Variants in CCDC178 observed in about 807,000 individuals in gnomAD.
CCDC178 encodes coiled-coil domain-containing protein 178.
Under a neutral mutation model 117.4 loss-of-function variants are expected in CCDC178, and 126 were observed. That is an observed-to-expected ratio of 1.07 (90% CI 0.93 to 1.24). The LOEUF (loss-of-function observed/expected upper bound fraction) is 1.24, where lower values mean the gene tolerates loss of function less well. CCDC178 is among the 50% of genes most tolerant of loss of function. CCDC178 has a pLI of 0.00. For synonymous variants in CCDC178, 283 were observed against 313.4 expected (o/e 0.90, Z 1.02); for missense variants, 1,030 against 986.9 (o/e 1.04, Z -0.59).
At chr18:33,070,235 T>C (rs2144993742) in intron 21 of CCDC178, among the ~76,000 whole-genome samples, 1 of 152,210 alleles carries the variant, frequency 6.6e-6, no homozygotes, top group African/African-American at 2.4e-5. Context: ...CGCATGTTTA[T>C]TGCAGCAGTA....
intron 21 of CCDC178, among the ~76,000 whole-genome samples, chr18:33,072,675 A>G (rs2057129731): frequency 2.0e-5 from 3 of 152,180 alleles, no homozygotes; most frequent in African/African-American, 4.8e-5. Flanking sequence ...TTTTAAATTT[A>G]TAAGTATATA....
At chr18:33,083,655 T>C (rs2057332826) in intron 21 of CCDC178, among the ~76,000 whole-genome samples, 1 of 152,234 alleles carries the variant, frequency 6.6e-6, no homozygotes, top group Non-Finnish European at 1.5e-5. Flanking sequence ...CTTATTTAAA[T>C]ACTTTCTTCC....
At chr18:33,373,617 C>A (rs899277021) in intron 5 of CCDC178, among the ~76,000 whole-genome samples, 1 of 152,130 alleles carries the variant, frequency 6.6e-6, no homozygotes, top group East Asian at 1.9e-4. Flanking sequence ...CATTTGAGTG[C>A]AGCTATAGCA....
chr18:32,983,138 TA>T (rs560819848), intron 21 of CCDC178: 21,764 of 390,294 alleles, frequency 0.056, no homozygotes, highest in East Asian at 0.074. Flanking sequence ...AAATAAAATC[TA>T]AAAAAAAAAA....
At chr18:33,193,232 C>A (rs2058883767) in intron 20 of CCDC178, among the ~76,000 whole-genome samples, 1 of 116,712 alleles carries the variant, frequency 8.6e-6, no homozygotes, top group Non-Finnish European at 1.6e-5. Context: ...CACTGCACTG[C>A]AGCCTGGGCA....
rs919166647 is a variant in CCDC178 at position 33,096,119 on chromosome 18, C to G, written c.2239-3209G>C. ...ACAAATAGTAGTTCTACTCCCCACC[C>G]CCCCCACTTGACTTTTCTTGTTCTT... On this transcript the variant is annotated intron_variant, in intron 20 of 22. Transcript: ENST00000383096. Among the ~76,000 whole-genome samples, 4 of 150,560 alleles carry G rather than the reference C, an allele frequency of 2.7e-5. No homozygotes were observed. The South Asian group carries it at 6.3e-4, about 24-fold the overall frequency.
chr18:33,207,577 AT>A (rs2059059483), intron 20 of CCDC178, among the ~76,000 whole-genome samples: 1 of 151,166 alleles, frequency 6.6e-6, no homozygotes, highest in African/African-American at 2.4e-5. Flanking sequence ...AAGTATGTTC[AT>A]TGGGTATTAG....
chr18:32,974,476 A>C, intron 22 of CCDC178, 71 bp downstream of exon 22: 1 of 1,420,274 alleles, frequency 7.0e-7, no homozygotes, highest in Non-Finnish European at 9.9e-7. Flanking sequence ...TTAATGCTTC[A>C]TCACACTACC....
chr18:32,942,329 G>GA (rs2054255856), intron 22 of CCDC178, among the ~76,000 whole-genome samples: 1 of 152,098 alleles, frequency 6.6e-6, no homozygotes, highest in South Asian at 2.1e-4. Flanking sequence ...CCTGGGGCTT[G>GA]AAAAACATAC....
chr18:33,245,724 C>G (rs2059542123), intron 14 of CCDC178, among the ~76,000 whole-genome samples: 1 of 151,996 alleles, frequency 6.6e-6, no homozygotes, highest in East Asian at 1.9e-4. Flanking sequence ...CCCTTCTATA[C>G]TCCTTTCCAT....
In CCDC178 at chr18:33,315,588, G is replaced by A. The variant is rs563117967; in HGVS notation, c.1022+7903C>T. ...TATAAAAAGGTAGGCTTATACCCAG[G>A]AGAGAACCAGATCTACCTAAGACTA... is the stretch of plus-strand genomic sequence containing the variant. On this transcript the variant is annotated intron_variant, in intron 11 of 22. Transcript: ENST00000383096. 2.0e-5 allele frequency among the ~76,000 whole-genome samples: 3 copies of A among 152,198 alleles called. No individual in the cohort carries two copies. In the East Asian group the frequency reaches 5.8e-4, roughly 30 times the overall value.
rs150447122 is a variant in CCDC178 at position 33,058,618 on chromosome 18, G to A, written c.2388+34143C>T. 1.7e-3 allele frequency among the ~76,000 whole-genome samples: 261 copies of A among 152,258 alleles called. 2 individuals are homozygous for A. Among genetic ancestry groups the A allele is most frequent in the African/African-American group, 6.0e-3 (251 of 41,558 alleles). On this transcript the variant is annotated intron_variant, in intron 21 of 22. Transcript: ENST00000383096. ...TAGTTTTATGGAAATAAGTCTCAAG[G>A]CACAGTCCCTAAAAGATGTTCCAAG... is the stretch of plus-strand genomic sequence containing the variant.
chr18:33,226,855 C>A lies in CCDC178; in HGVS notation c.1594G>T (p.Gly532Cys). The change falls in exon 16 of 23, where the codon GGT (glycine) becomes TGT (cysteine). Residue 532 changes from glycine (G) to cysteine (C), a missense_variant and splice_region_variant. Physicochemically the swap from Gly to Cys is radical, Grantham distance 159. Transcript: ENST00000383096. ...KIAEVRRKFK[G>C]REEFLKKLTQ... is the part of the protein sequence containing the mutation. ...AGTTTTTTCAGGAATTCTTCTCTAC[C>A]CTATATGTTAGGAAATTTTTAAAAT... The A allele has an allele frequency of 3.2e-6, 5 of 1,542,554 alleles. No individual in the cohort carries two copies. The South Asian group carries it at 5.0e-5, about 15-fold the overall frequency.
intron 22 of CCDC178, among the ~76,000 whole-genome samples, chr18:32,971,381 C>T (rs999319575): frequency 6.6e-6 from 1 of 152,140 alleles, no homozygotes; most frequent in South Asian, 2.1e-4. Context: ...GCATAGTATT[C>T]CATGGTGTAT....
At position 33,225,057 on chromosome 18, in the gene CCDC178, T is replaced by C. The variant is rs1466087127; in HGVS notation, c.1657-121A>G. On this transcript the variant is annotated intron_variant, in intron 16 of 22. Coordinates refer to ENST00000383096, the MANE Select transcript of CCDC178 (RefSeq NM_001105528.4). Reference sequence around the variant, plus strand: ...TGAAAATCAAATAATACAATAAATGTCACCATAAAAAATGGATACGAATGT... The same window carrying C: ...TGAAAATCAAATAATACAATAAATGCCACCATAAAAAATGGATACGAATGT... 7.9e-6 allele frequency: 4 copies of C among 509,208 alleles called. No homozygotes were observed. In the East Asian group the frequency reaches 1.2e-4, roughly 15 times the overall value. 31.5% of individuals were successfully genotyped at this position (509,208 alleles called of 1,614,324 possible).
chr18:33,174,851 T>C (rs2058645075), intron 20 of CCDC178, among the ~76,000 whole-genome samples: 1 of 151,914 alleles, frequency 6.6e-6, no homozygotes, highest in African/African-American at 2.4e-5. Flanking sequence ...TCCTGTTTCA[T>C]ATTAGTATTA....
rs183276364 is a variant in CCDC178 at position 33,262,073 on chromosome 18, A to G, written c.1409+4843T>C. ...TCTATAAAGGCCATTAACTATATTT[A>G]TTGATTCTGCCCTATCAGATATTGG... On this transcript the variant is annotated intron_variant, in intron 14 of 22. Transcript: ENST00000383096. Among the ~76,000 whole-genome samples, 170 of 152,272 alleles carry G rather than the reference A, an allele frequency of 1.1e-3. 1 individual carries two copies. The highest frequency in any genetic ancestry group is 4.0e-3 in the African/African-American group (165 of 41,570).
At chr18:33,283,205 T>A (rs2060047096) in intron 12 of CCDC178, among the ~76,000 whole-genome samples, 1 of 152,036 alleles carries the variant, frequency 6.6e-6, no homozygotes, top group African/African-American at 2.4e-5. Flanking sequence ...GCATGCAGTC[T>A]AGGAGTTAGG....
chr18:33,349,664 A>G (rs2062944813), intron 7 of CCDC178, among the ~76,000 whole-genome samples: 1 of 151,896 alleles, frequency 6.6e-6, no homozygotes, highest in African/African-American at 2.4e-5. Context: ...TTCTCTGATC[A>G]AAGTTACAAG....
Sources: allele counts gnomAD v4.1 joint callset (sites outside exome capture counted in the v4.1 genomes callset), GRCh38; gene constraint gnomAD v4.1.1; transcripts MANE v1.5; gene names NCBI Gene and HGNC (gene_info 2026-07-23, HGNC 2026-07-21).